NLRP12: variants seen among roughly 807,000 people sequenced by gnomAD.
The protein encoded by NLRP12 is NLR family pyrin domain containing 12, also known as NACHT, LRR and PYD domains-containing protein 12.
A neutral mutation model predicts 91.2 loss-of-function variants in NLRP12; 108 were observed. The observed-to-expected ratio is 1.18, with a 90% confidence interval of 1.01 to 1.39. The LOEUF (loss-of-function observed/expected upper bound fraction) is 1.39. NLRP12 is among the 40% of genes most tolerant of loss of function. NLRP12 has a pLI of 0.00. For synonymous variants in NLRP12, 613 were observed against 566.7 expected, an observed-to-expected ratio of 1.08 and a Z score of -1.16; for missense variants, 1,530 against 1,352.7, an observed-to-expected ratio of 1.13 and a Z score of -2.06.
chr19:53,805,360 A>C lies in NLRP12; in HGVS notation c.2334T>G (p.Ser778Arg), dbSNP rs769879112. 5 of 1,614,046 alleles carry C rather than the reference A, an allele frequency of 3.1e-6. No homozygotes were observed. Among genetic ancestry groups the C allele is most frequent in the Non-Finnish European group, 4.2e-6 (5 of 1,179,998 alleles). Residue 778 changes from serine (S) to arginine (R), a missense_variant, in exon 5 of 10, where the codon AGT becomes AGG. Transcript: ENST00000324134. The stretch of plus-strand genomic sequence containing the variant: ...TGCCTGGGAATCCAACGCCGTTGCC[A>C]CTGAGATCCATCCTTGTCAAATTCT... ...ANKNLTRMDL[S>R]GNGVGFPGMM... is the part of the protein sequence containing the mutation.
rs150671525 is a variant in NLRP12, at chr19:53,803,958, G to C, written c.2579C>G (p.Thr860Ser). The C allele has an allele frequency of 7.6e-4, 1,224 of 1,613,986 alleles. No homozygotes were observed. The highest frequency in any genetic ancestry group is 9.3e-4 in the Non-Finnish European group (1,102 of 1,179,918). The change falls in exon 6 of 10, where the codon ACT becomes AGT. Residue 860 changes from threonine (T) to serine (S), a missense_variant. Transcript: ENST00000324134. ...GACCCCAGGAAGAACTCACCACAAA[G>C]TCCGTAGTCTGCAGACTGGGTGCCT... ...GLRHPVCRLR[T>S]LWLKICRLTA...
chr19:53,802,095 C>T (rs1013623745), intron 6 of NLRP12, among the ~76,000 whole-genome samples: 2 of 151,864 alleles, frequency 1.3e-5, no homozygotes, highest in African/African-American at 4.8e-5. Context: ...GGCGTGGTGG[C>T]GCATGCCTGT....
intron 3 of NLRP12, 33 bp from the exon 4 acceptor site, chr19:53,807,698 G>A (rs761954017): frequency 4.3e-6 from 7 of 1,612,448 alleles, no homozygotes; most frequent in Non-Finnish European, 8.5e-7. Context: ...ACTCTCTGGT[G>A]TTACTGGTGC....
In NLRP12 at chr19:53,793,945, G is replaced by T; in HGVS notation, c.*104C>A. 2 of 842,800 alleles carry T rather than the reference G, an allele frequency of 2.4e-6. No individual in the cohort carries two copies. The highest frequency in any genetic ancestry group is 4.2e-6 in the Non-Finnish European group (2 of 481,046). The allele number at this position is 842,800 out of a possible 1,614,324, so 52.2% of individuals were successfully genotyped here. A position where few individuals can be genotyped will look rare whatever the true frequency, so the allele number is the denominator to read the frequency against. On this transcript the variant is annotated 3_prime_UTR_variant, in exon 10 of 10. Transcript: ENST00000324134. ...GGACTTTTGATCTCAATCTGCATGA[G>T]TCTGTCTCTAGGAAGGAGGCTGATC... is the stretch of plus-strand genomic sequence containing the variant.
intron 8 of NLRP12, among the ~76,000 whole-genome samples, chr19:53,797,741 ATT>A (rs544319440): frequency 5.0e-5 from 7 of 139,442 alleles, no homozygotes; most frequent in South Asian, 2.3e-4. Context: ...TTAAATTTTA[ATT>A]TTTTTTTTTT....
intron 1 of NLRP12, among the ~76,000 whole-genome samples, chr19:53,823,169 C>T (rs894260006): frequency 1.0e-4 from 6 of 60,060 alleles, no homozygotes; most frequent in African/African-American, 3.6e-4. Flanking sequence ...ATATAAATTC[C>T]AGATCTCCCA....
intron 5 of NLRP12, 89 bp from the exon 6 acceptor site, chr19:53,804,211 G>C: frequency 6.9e-7 from 1 of 1,440,826 alleles, no homozygotes; most frequent in Non-Finnish European, 9.6e-7. Context: ...TTATTATTTA[G>C]GAACAGGTTG....
chr19:53,807,754 T>G, intron 3 of NLRP12, 89 bp from the exon 4 acceptor site: 1 of 1,475,956 alleles, frequency 6.8e-7, no homozygotes, highest in Non-Finnish European at 9.4e-7. Flanking sequence ...TTATGAAGCA[T>G]GCTATCCTTT....
In NLRP12 at chr19:53,824,164, G is replaced by A. The variant is rs1599879740; in HGVS notation, c.11C>T (p.Thr4Ile). ...GCGACAGAGGCCGTCCCTGCCTGCG[G>A]TTCGTAGCATGGGGGTGCCGTGAGC... The part of the protein sequence containing the change: MLR[T>I]AGRDGLCRLS... The change falls in exon 1 of 10, where the codon ACC becomes ATC. Residue 4 changes from threonine to isoleucine, a missense_variant. Physicochemically the swap from Thr to Ile is moderately conservative, Grantham distance 89. Transcript: ENST00000324134. 2.5e-6 allele frequency: 4 copies of A among 1,614,020 alleles called. No homozygotes were observed. In the South Asian group the frequency reaches 3.3e-5, roughly 13 times the overall value.
At chr19:53,816,948 A>T (rs2092169243) in intron 1 of NLRP12, among the ~76,000 whole-genome samples, 1 of 152,046 alleles carries the variant, frequency 6.6e-6, no homozygotes, top group South Asian at 2.1e-4. Context: ...AGTTCTGCAG[A>T]TTGAATGCAC....
chr19:53,816,821 C>T (rs974714080), intron 1 of NLRP12, among the ~76,000 whole-genome samples: 8 of 149,820 alleles, frequency 5.3e-5, no homozygotes, highest in African/African-American at 7.3e-5. Flanking sequence ...GGATTACAGG[C>T]GTGAGCTACT....
Position 53,812,270 on chromosome 19 carries a change from G to A in NLRP12, c.371-982C>T, listed in dbSNP as rs540517743. Among the ~76,000 whole-genome samples, 18 of 151,930 alleles carry A rather than the reference G, an allele frequency of 1.2e-4. No homozygotes were observed. In the East Asian group the frequency reaches 3.3e-3, roughly 28 times the overall value. On this transcript the variant is annotated intron_variant, in intron 2 of 9. Transcript: ENST00000324134. Reference sequence around the variant, plus strand: ...CAGGCATGAACCACCATGCCTGGCTGTGCTTCTCCAACTTTAAGACGCATA... The same window carrying A: ...CAGGCATGAACCACCATGCCTGGCTATGCTTCTCCAACTTTAAGACGCATA...
At chr19:53,805,796 G>T in intron 4 of NLRP12, 1 of 353,624 alleles carries the variant, frequency 2.8e-6, no homozygotes, top group Non-Finnish European at 5.4e-6. Context: ...GGAATTACAG[G>T]CGTGAGCCAT....
intron 1 of NLRP12, among the ~76,000 whole-genome samples, 156 bp from the exon 2 acceptor site, chr19:53,815,144 G>A (rs2092137849): frequency 6.6e-6 from 1 of 151,594 alleles, no homozygotes; most frequent in Non-Finnish European, 1.5e-5. Context: ...GTGGGAAATA[G>A]CTCATCCCTT....
intron 1 of NLRP12, among the ~76,000 whole-genome samples, chr19:53,818,614 G>T (rs902158778): frequency 1.3e-5 from 2 of 151,880 alleles, no homozygotes; most frequent in Non-Finnish European, 2.9e-5. Flanking sequence ...GCAGTGAGCC[G>T]AGAACGCACC....
chr19:53,823,955 G>A lies in NLRP12; in HGVS notation c.220C>T (p.Leu74Phe). 6.2e-7 allele frequency: 1 copy of A among 1,614,094 alleles called. No individual in the cohort carries two copies. Among genetic ancestry groups the A allele is most frequent in the Non-Finnish European group, 8.5e-7 (1 of 1,180,042 alleles). The change falls in exon 1 of 10, where the codon CTC (leucine) becomes TTC (phenylalanine). Residue 74 changes from leucine (L) to phenylalanine (F), a missense_variant. Leu to Phe is a conservative substitution (Grantham distance 22, BLOSUM62 0). Transcript: ENST00000324134. ...FGPEEAWRLA[L>F]STFERINRKD... ...CTGTTTATCCGCTCAAAGGTGCTGA[G>A]AGCCAACCTCCAGGCCTCCTCTGGC...
At chr19:53,812,023 A>C (rs2092084903) in intron 2 of NLRP12, among the ~76,000 whole-genome samples, 1 of 151,996 alleles carries the variant, frequency 6.6e-6, no homozygotes, top group Non-Finnish European at 1.5e-5. Context: ...GATCGCCTGA[A>C]CTCAGGAGTT....
At position 53,810,083 on chromosome 19, in the gene NLRP12, A is replaced by G; in HGVS notation, c.1576T>C (p.Tyr526His). Residue 526 changes from tyrosine (Y) to histidine (H), a missense_variant, in exon 3 of 10, where the codon TAT (tyrosine) becomes CAT (histidine). Transcript: ENST00000324134. ...CCGCCCTCCCCCTCGTCCAGGATATAGTACATAGCTGCAAAGAATTCCTGG... is the reference window on the plus strand; with the variant it reads ...CCGCCCTCCCCCTCGTCCAGGATATGGTACATAGCTGCAAAGAATTCCTGG... Reference protein sequence around the residue: ...SFQEFFAAMYYILDEGEGGAG... With the variant: ...SFQEFFAAMYHILDEGEGGAG... 6.2e-7 allele frequency: 1 copy of G among 1,614,148 alleles called. No individual in the cohort carries two copies. The highest frequency in any genetic ancestry group is 8.5e-7 in the Non-Finnish European group (1 of 1,180,016).
intron 2 of NLRP12, among the ~76,000 whole-genome samples, 165 bp downstream of exon 2, chr19:53,814,743 G>A (rs529234993): frequency 2.2e-4 from 33 of 152,314 alleles, no homozygotes; most frequent in African/African-American, 5.8e-4. Context: ...AAATGCTGAC[G>A]TGGAAAGGTT....
Sources: allele counts gnomAD v4.1 joint callset (sites outside exome capture counted in the v4.1 genomes callset), GRCh38; gene constraint gnomAD v4.1.1; transcripts MANE v1.5; gene names NCBI Gene and HGNC (gene_info 2026-07-23, HGNC 2026-07-21).